ETS1: variants seen among roughly 807,000 people sequenced by gnomAD.
ETS1 encodes the protein protein C-ets-1.
Under a neutral mutation model 58.6 loss-of-function variants are expected in ETS1, and 15 were observed. The observed-to-expected ratio is 0.26, with a 90% CI of 0.17 to 0.39. The LOEUF (loss-of-function observed/expected upper bound fraction) is 0.39. Ranked by LOEUF, ETS1 falls within the 10% of genes least tolerant of loss-of-function variation. The pLI is 1.00. For missense variants in ETS1, 417 were observed against 610.5 expected (o/e 0.68, Z 3.34); for synonymous variants, 214 against 218.2 (o/e 0.98, Z 0.17).
chr11:128,534,681 G>A (rs1591647989), intron 3 of ETS1, among the ~76,000 whole-genome samples: 1 of 152,274 alleles, frequency 6.6e-6, no homozygotes, highest in African/African-American at 2.4e-5. Flanking sequence ...ACAGTGTTTG[G>A]TTTTCTGTTC....
At chr11:128,555,238 C>T (rs756713989) in intron 3 of ETS1, among the ~76,000 whole-genome samples, 9 of 152,170 alleles carry the variant, frequency 5.9e-5, no homozygotes, top group African/African-American at 1.4e-4. Flanking sequence ...TCTTGCCCTG[C>T]GTCTGTTTAT....
chr11:128,499,558 C>T (rs1332015884), intron 3 of ETS1, among the ~76,000 whole-genome samples: 1 of 152,210 alleles, frequency 6.6e-6, no homozygotes, highest in Non-Finnish European at 1.5e-5. Flanking sequence ...ACGCAAGCCA[C>T]GTGTTTTCTC....
intron 2 of ETS1, among the ~76,000 whole-genome samples, chr11:128,567,354 T>G (rs1555089545): frequency 1.3e-5 from 2 of 152,236 alleles, no homozygotes; most frequent in Non-Finnish European, 2.9e-5. Context: ...GTTCATTCAG[T>G]GCTCGTACGT....
rs542297889 is a variant in ETS1 at position 128,459,370 on chromosome 11, G to C, written c.*2991C>G. 6.5e-6 allele frequency: 1 copy of C among 152,828 alleles called. No homozygotes were observed. The highest frequency in any genetic ancestry group is 6.5e-5 in the Admixed American group (1 of 15,302). The allele number at this position is 152,828 out of a possible 1,614,324, so 9.5% of individuals were successfully genotyped here. A position where few individuals can be genotyped will look rare whatever the true frequency, so the allele number is the denominator to read the frequency against. ...CATGAAGGTTAGGCAGGTTAATGCT[G>C]TAAAACCCAGAGTGTTCATCTCCAA... On this transcript the variant is annotated 3_prime_UTR_variant, in exon 10 of 10. Transcript: ENST00000392668.
chr11:128,480,115 G>T lies in ETS1; in HGVS notation c.1123+76C>A, dbSNP rs1221996704. The T allele has an allele frequency of 3.8e-6, 6 of 1,574,214 alleles. No individual in the cohort carries two copies. The African/African-American group carries it at 5.4e-5, about 14-fold the overall frequency. On this transcript the variant is annotated intron_variant, in intron 8 of 9. Transcript: ENST00000392668. ...AGTCTCTCGTCGTCTCTGGTCAGAG[G>T]TGCAGAGTGCCTTCCAGGACCCCAC... is the stretch of plus-strand genomic sequence containing the variant.
At chr11:128,585,189 G>A (rs12223540) in intron 1 of ETS1, among the ~76,000 whole-genome samples, 5,591 of 12,002 alleles carry the variant, frequency 0.47, 1,530 homozygotes, top group Non-Finnish European at 0.56. Context: ...AAAGAAAGAA[G>A]GAAGGAAAGA....
At chr11:128,573,016 G>C (rs1293824318) in intron 2 of ETS1, 46 bp downstream of exon 2, 2 of 1,483,002 alleles carry the variant, frequency 1.3e-6, no homozygotes, top group Non-Finnish European at 9.3e-7. Context: ...AGGAGGAGGG[G>C]AGAAGATTGT....
chr11:128,570,586 A>G (rs1591670770), intron 2 of ETS1, among the ~76,000 whole-genome samples: 1 of 152,168 alleles, frequency 6.6e-6, no homozygotes, highest in African/African-American at 2.4e-5. Flanking sequence ...TTTTAATTTG[A>G]TTATAGTACC....
At chr11:128,478,773 G>C (rs949272503) in intron 8 of ETS1, among the ~76,000 whole-genome samples, 1 of 152,156 alleles carries the variant, frequency 6.6e-6, no homozygotes. Context: ...TCCTGAGAGT[G>C]ACTTAATACA....
At chr11:128,566,610 C>A (rs1006588356) in intron 2 of ETS1, among the ~76,000 whole-genome samples, 1 of 151,896 alleles carries the variant, frequency 6.6e-6, no homozygotes, top group East Asian at 1.9e-4. Context: ...AGTGAAACCC[C>A]GTCTCTACTA....
At chr11:128,566,776 C>T (rs1336792616) in intron 2 of ETS1, among the ~76,000 whole-genome samples, 3 of 149,822 alleles carry the variant, frequency 2.0e-5, no homozygotes, top group East Asian at 1.9e-4. Flanking sequence ...GAGCAAGACA[C>T]CGTCTCAAAA....
At chr11:128,525,498 G>C (rs2135524708) in intron 3 of ETS1, among the ~76,000 whole-genome samples, 1 of 151,316 alleles carries the variant, frequency 6.6e-6, no homozygotes, top group Admixed American at 6.6e-5. Flanking sequence ...GAATCTCTGA[G>C]TTTTGAGCTA....
intron 2 of ETS1, among the ~76,000 whole-genome samples, chr11:128,567,837 T>G (rs11221354): frequency 0.037 from 5,691 of 152,256 alleles, 240 homozygotes; most frequent in African/African-American, 0.1. Context: ...TTTTATCATG[T>G]TGGCCAGGCT....
intron 8 of ETS1, among the ~76,000 whole-genome samples, chr11:128,478,054 T>C (rs2135435968): frequency 6.6e-6 from 1 of 152,276 alleles, no homozygotes; most frequent in Admixed American, 6.5e-5. Context: ...ACTATTATTC[T>C]CGCCATCACA....
intron 3 of ETS1, among the ~76,000 whole-genome samples, chr11:128,513,534 G>A (rs775740116): frequency 1.1e-4 from 17 of 152,120 alleles, no homozygotes; most frequent in African/African-American, 2.4e-4. Context: ...GAACAAATAC[G>A]GTAAGGTCTT....
intron 8 of ETS1, among the ~76,000 whole-genome samples, chr11:128,476,663 G>T (rs907798990): frequency 3.9e-5 from 6 of 152,210 alleles, no homozygotes; most frequent in African/African-American, 1.4e-4. Context: ...TCAAGGACTT[G>T]GAAAGCGTTT....
chr11:128,497,087 C>T (rs1440684939), intron 3 of ETS1, among the ~76,000 whole-genome samples: 2 of 152,180 alleles, frequency 1.3e-5, no homozygotes, highest in African/African-American at 4.8e-5. Context: ...AACTGGGTTT[C>T]TGAACTTCTT....
In ETS1 at chr11:128,477,400, C is replaced by T. The variant is rs79042225; in HGVS notation, c.1123+2791G>A. On this transcript the variant is annotated intron_variant, in intron 8 of 9. Coordinates refer to ENST00000392668, the MANE Select transcript of ETS1 (RefSeq NM_001143820.2). ...TCCAAAGTACTTTTGCAAATTTCAG[C>T]TCATCTTAACATGTCTGCATAAAGC... is the stretch of plus-strand genomic sequence containing the variant. Among the ~76,000 whole-genome samples the T allele has an allele frequency of 5.3e-5, 8 of 152,164 alleles. No individual in the cohort carries two copies. In the East Asian group the frequency reaches 1.5e-3, roughly 29 times the overall value.
chr11:128,502,919 C>T (rs1863128684), intron 3 of ETS1, among the ~76,000 whole-genome samples: 1 of 152,218 alleles, frequency 6.6e-6, no homozygotes, highest in South Asian at 2.1e-4. Flanking sequence ...TTTCCACCGA[C>T]AGCCCTTAGC....
Sources: allele counts gnomAD v4.1 joint callset (sites outside exome capture counted in the v4.1 genomes callset), GRCh38; gene constraint gnomAD v4.1.1; transcripts MANE v1.5; gene names NCBI Gene and HGNC (gene_info 2026-07-23, HGNC 2026-07-21).